Variants in ZNF236 observed in about 807,000 individuals in gnomAD.
ZNF236 encodes the protein zinc finger protein 236.
ZNF236 carries 50 observed loss-of-function variants against 191.2 expected under a neutral mutation model. The observed-to-expected ratio is 0.26, with a 90% CI of 0.21 to 0.33. The LOEUF is 0.33. Ranked by LOEUF, ZNF236 falls within the 10% of genes least tolerant of loss-of-function variation. The probability of loss-of-function intolerance (pLI) is 1.00; values close to 1 mark genes in which losing one functional copy is unlikely to be tolerated. For synonymous variants in ZNF236, 907 were observed against 928.8 expected (o/e 0.98, Z 0.43); for missense variants, 1,754 against 2,374.5 (o/e 0.74, Z 5.43).
intron 1 of ZNF236, among the ~76,000 whole-genome samples, chr18:76,841,909 G>T (rs1324960630): frequency 6.6e-6 from 1 of 152,022 alleles, no homozygotes; most frequent in Non-Finnish European, 1.5e-5. Flanking sequence ...ATGTTGGCCA[G>T]GTTGGTCTGA....
rs376730433 is a variant in ZNF236, at chr18:76,925,398, T to G, written c.3871T>G (p.Ser1291Ala). The change falls in exon 22 of 31, where the codon TCA becomes GCA. Residue 1291 changes from serine to alanine, a missense_variant. By Grantham distance (99) the Ser-to-Ala change is moderately conservative. Coordinates refer to ENST00000320610, the MANE Select transcript of ZNF236 (RefSeq NM_001306089.2). The surrounding 1 kb of genome is among the most constrained non-coding windows in gnomAD (Gnocchi z 5.7). ...GGCCAGAAAGCCTATGACTCGAAGC[T>G]CATCGGAAGGACTGCAGCCTGTAAA... is the stretch of plus-strand genomic sequence containing the variant. The part of the protein sequence containing the change: ...KKARKPMTRS[S>A]SEGLQPVNLL... 1.8e-5 allele frequency: 29 copies of G among 1,614,038 alleles called. No homozygotes were observed. The highest frequency in any genetic ancestry group is 2.3e-5 in the Non-Finnish European group (27 of 1,180,046).
At chr18:76,876,575 C>T (rs757206464) in intron 6 of ZNF236, among the ~76,000 whole-genome samples, 5 of 152,110 alleles carry the variant, frequency 3.3e-5, no homozygotes, top group Non-Finnish European at 4.4e-5. Flanking sequence ...GCACATCTCA[C>T]GTAGTTTTAT....
intron 27 of ZNF236, among the ~76,000 whole-genome samples, chr18:76,948,939 C>T (rs577049730): frequency 2.6e-5 from 4 of 152,282 alleles, no homozygotes; most frequent in African/African-American, 7.2e-5. Context: ...GTATGAAATA[C>T]ACTCTTACCT....
In ZNF236 at chr18:76,849,574, T is replaced by C; in HGVS notation, c.104T>C (p.Val35Ala). Residue 35 changes from valine (V) to alanine (A), a missense_variant, in exon 2 of 31, where the codon GTT becomes GCT. Around this residue, in one of 5 missense-constraint regions of ZNF236, gnomAD observed 336 missense variants for 495.1 expected, o/e 0.68. Transcript: ENST00000320610. ...NAENTNYAYQVPNFHKCEICL... is the reference protein window; with the variant it reads ...NAENTNYAYQAPNFHKCEICL... ...GAGAACACTAATTATGCCTATCAAG[T>C]TCCAAACTTCCATAAATGTGAAATC... The C allele has an allele frequency of 1.2e-6, 2 of 1,612,398 alleles. No individual in the cohort carries two copies. Among genetic ancestry groups the C allele is most frequent in the Non-Finnish European group, 1.7e-6 (2 of 1,179,584 alleles).
chr18:76,890,067 C>G lies in ZNF236; in HGVS notation c.1418-4946C>G, dbSNP rs138467893. On this transcript the variant is annotated intron_variant, in intron 9 of 30. Coordinates refer to ENST00000320610, the MANE Select transcript of ZNF236 (RefSeq NM_001306089.2). Reference sequence around the variant, plus strand: ...GCAGTGGCCGTGTGTGTAGCTGCATCATTTCACACATGTACGTTTATCTGT... The same window carrying G: ...GCAGTGGCCGTGTGTGTAGCTGCATGATTTCACACATGTACGTTTATCTGT... Among the ~76,000 whole-genome samples, 674 of 152,332 alleles carry G rather than the reference C, an allele frequency of 4.4e-3. 6 individuals carry two copies. Among genetic ancestry groups the G allele is most frequent in the African/African-American group, 0.016 (646 of 41,582 alleles).
rs1188488105 is a variant in ZNF236, at chr18:76,908,314, C to T, written c.2298-6C>T. 1.9e-6 allele frequency: 3 copies of T among 1,608,720 alleles called. No individual in the cohort carries two copies. The highest frequency in any genetic ancestry group is 1.7e-5 in the Admixed American group (1 of 59,878). On this transcript the variant is annotated splice_polypyrimidine_tract_variant and splice_region_variant and intron_variant, in intron 13 of 30. Transcript: ENST00000320610. ...ACCTGATGAACTGTTGTTAATTTTT[C>T]TGAAGATATGAGCTTGCCCAGCAGC...
At chr18:76,921,404 T>C (rs1344197890) in intron 20 of ZNF236, among the ~76,000 whole-genome samples, 1 of 152,050 alleles carries the variant, frequency 6.6e-6, no homozygotes, top group Non-Finnish European at 1.5e-5. Context: ...AAAGTTAAAC[T>C]AAGGAGAGGA....
chr18:76,837,716 C>T (rs1975378542), intron 1 of ZNF236, among the ~76,000 whole-genome samples: 1 of 152,168 alleles, frequency 6.6e-6, no homozygotes, highest in South Asian at 2.1e-4. Context: ...GCTGGGATTA[C>T]AGGCGTGACC....
At chr18:76,847,660 A>G (rs181473564) in intron 1 of ZNF236, among the ~76,000 whole-genome samples, 4,538 of 151,880 alleles carry the variant, frequency 0.03, 73 homozygotes, top group Non-Finnish European at 0.039. Flanking sequence ...TAGTAGAGAC[A>G]GGGTTTCACC....
chr18:76,896,601 C>T (rs867039699), intron 10 of ZNF236, among the ~76,000 whole-genome samples: 9 of 150,620 alleles, frequency 6.0e-5, no homozygotes, highest in East Asian at 2.0e-4. Flanking sequence ...GCACACAGTA[C>T]GAAACAGTAC....
chr18:76,941,425 C>T (rs1383433510), intron 26 of ZNF236, among the ~76,000 whole-genome samples: 1 of 152,188 alleles, frequency 6.6e-6, no homozygotes, highest in African/African-American at 2.4e-5. Context: ...CTGCCTGGCC[C>T]CTGCTACGCC....
intron 7 of ZNF236, among the ~76,000 whole-genome samples, chr18:76,878,396 AATG>A (rs563260380): frequency 3.6e-4 from 55 of 152,170 alleles, no homozygotes; most frequent in Non-Finnish European, 6.0e-4. Flanking sequence ...TAATTTGTGA[AATG>A]ATGATTTCTA....
At chr18:76,876,818 G>C (rs1015284441) in intron 6 of ZNF236, among the ~76,000 whole-genome samples, 1 of 152,158 alleles carries the variant, frequency 6.6e-6, no homozygotes, top group Admixed American at 6.5e-5. Flanking sequence ...TGGAACCTTA[G>C]AGGAGCCTTG....
chr18:76,925,044 C>T lies in ZNF236; in HGVS notation c.3662-145C>T, dbSNP rs1967636410. 1 of 1,256,290 alleles carries T rather than the reference C, an allele frequency of 8.0e-7. No homozygotes were observed. Among genetic ancestry groups the T allele is most frequent in the Non-Finnish European group, 1.1e-6 (1 of 911,710 alleles). 77.8% of individuals were successfully genotyped at this position (1,256,290 alleles called of 1,614,324 possible). ...CAGCAATTGCCTGTGACGTCCGTAA[C>T]ATCTTATAGGTGAAAGGGATTCTCA... On this transcript the variant is annotated intron_variant, in intron 21 of 30. Coordinates refer to ENST00000320610, the MANE Select transcript of ZNF236 (RefSeq NM_001306089.2). This position sits in a 1 kb window ranked among gnomAD's most constrained non-coding sequence, Gnocchi z 5.7.
intron 3 of ZNF236, among the ~76,000 whole-genome samples, chr18:76,865,212 C>T (rs1976373185): frequency 6.6e-6 from 1 of 152,156 alleles, no homozygotes; most frequent in Non-Finnish European, 1.5e-5. Flanking sequence ...TAGCGGGTGC[C>T]TGTAGTCCCA....
chr18:76,950,231 G>T (rs752943181), intron 27 of ZNF236, among the ~76,000 whole-genome samples: 1 of 152,176 alleles, frequency 6.6e-6, no homozygotes, highest in Non-Finnish European at 1.5e-5. Context: ...ATGTTTGATA[G>T]CATTTTACGC....
chr18:76,831,203 C>T (rs146857676), intron 1 of ZNF236, among the ~76,000 whole-genome samples: 83 of 152,310 alleles, frequency 5.4e-4, no homozygotes, highest in African/African-American at 1.5e-3. Context: ...CCCTTTCCTC[C>T]GCCTGTTCAT....
intron 1 of ZNF236, among the ~76,000 whole-genome samples, chr18:76,828,893 C>T (rs187884226): frequency 2.6e-3 from 399 of 152,136 alleles, no homozygotes; most frequent in African/African-American, 9.1e-3. Context: ...TCTTGAACTC[C>T]TGAGCCAGGC....
chr18:76,858,158 A>C (rs1976102244), intron 3 of ZNF236, among the ~76,000 whole-genome samples: 1 of 152,192 alleles, frequency 6.6e-6, no homozygotes. Flanking sequence ...GTGTTGTTGC[A>C]ACTAGCATAT....
Sources: gnomAD v4.1 joint callset for allele counts (sites outside exome capture counted in the v4.1 genomes callset) on GRCh38, gnomAD v4.1.1 for gene constraint, gnomAD v4.1.1 regional missense constraint, Gnocchi (gnomAD v3.1) non-coding constraint, MANE v1.5 for transcripts, NCBI Gene and HGNC (gene_info 2026-07-23, HGNC 2026-07-21) for gene names.